The following COL28A1 variants were observed in gnomAD, a reference collection of about 807,000 sequenced individuals.
The protein encoded by COL28A1 is collagen type XXVIII alpha 1 chain, also known as collagen alpha-1(XXVIII) chain.
COL28A1 carries 161 observed loss-of-function variants against 150.2 expected under a neutral mutation model. That is an observed-to-expected ratio of 1.07 (90% CI 0.94 to 1.22). The LOEUF is 1.22. COL28A1 is among the 50% of genes most tolerant of loss of function. The pLI is 0.00. For synonymous variants in COL28A1, 552 were observed against 469.7 expected (o/e 1.18, Z -2.26); for missense variants, 1,617 against 1,388.3 (o/e 1.16, Z -2.62).
intron 9 of COL28A1, among the ~76,000 whole-genome samples, chr7:7,508,431 G>A (rs996797952): frequency 4.6e-5 from 7 of 152,128 alleles, no homozygotes; most frequent in Admixed American, 1.3e-4. Flanking sequence ...AGAGGATGAT[G>A]GAAGCAGAGA....
intron 17 of COL28A1, 87 bp downstream of exon 17, chr7:7,453,353 C>A (rs1411146764): frequency 6.2e-6 from 5 of 802,320 alleles, no homozygotes; most frequent in Non-Finnish European, 1.1e-5. Context: ...TTCATTCTAC[C>A]TGCTGTCTTC....
rs1443721878 is a variant in COL28A1, at chr7:7,459,948, A to G, written c.1303-3836T>C. 2.0e-5 allele frequency among the ~76,000 whole-genome samples: 3 copies of G among 152,302 alleles called. No individual in the cohort carries two copies. In the East Asian group the frequency reaches 5.8e-4, roughly 29 times the overall value. On this transcript the variant is annotated intron_variant, in intron 15 of 34. Transcript: ENST00000399429. ...CTCAAATTATCAAACATCCTCCAAT[A>G]CTGGCTAAAATGAGTGACTGCTACT...
chr7:7,380,900 G>A, intron 28 of COL28A1, 38 bp from the exon 29 acceptor site: 1 of 1,542,358 alleles, frequency 6.5e-7, no homozygotes, highest in Admixed American at 1.7e-5. Context: ...TTCAGAATGT[G>A]AATCTAAAAG....
At chr7:7,413,081 G>C (rs1397461216) in intron 27 of COL28A1, among the ~76,000 whole-genome samples, 1 of 152,084 alleles carries the variant, frequency 6.6e-6, no homozygotes, top group Non-Finnish European at 1.5e-5. Context: ...AGGTTGATCT[G>C]TTAGGCCTGT....
chr7:7,534,471 G>C (rs1053258187), intron 1 of COL28A1, among the ~76,000 whole-genome samples: 6 of 152,100 alleles, frequency 3.9e-5, no homozygotes, highest in Admixed American at 1.3e-4. Context: ...ATTTTCAAAG[G>C]GGAAAGGGAA....
intron 19 of COL28A1, among the ~76,000 whole-genome samples, chr7:7,443,972 C>T (rs1022486521): frequency 1.4e-5 from 2 of 146,886 alleles, no homozygotes; most frequent in Non-Finnish European, 3.0e-5. Flanking sequence ...AGACCTTCAG[C>T]CTTTCCATCT....
intron 27 of COL28A1, among the ~76,000 whole-genome samples, chr7:7,408,043 T>A (rs1037400706): frequency 1.3e-5 from 2 of 152,264 alleles, no homozygotes; most frequent in Admixed American, 1.3e-4. Context: ...TTTTTCCATT[T>A]TCTTCTTAAT....
intron 26 of COL28A1, among the ~76,000 whole-genome samples, chr7:7,418,128 A>G (rs1048030449): frequency 1.3e-5 from 2 of 152,226 alleles, no homozygotes; most frequent in Admixed American, 6.5e-5. Context: ...AAAACCTTAA[A>G]TATAATCCAA....
At chr7:7,433,641 A>C (rs1009508000) in intron 23 of COL28A1, among the ~76,000 whole-genome samples, 6 of 150,296 alleles carry the variant, frequency 4.0e-5, no homozygotes, top group African/African-American at 1.2e-4. Flanking sequence ...CTCATTTAAA[A>C]AAAAAAAAAA....
At chr7:7,528,667 G>T (rs887196994) in intron 3 of COL28A1, among the ~76,000 whole-genome samples, 1 of 152,156 alleles carries the variant, frequency 6.6e-6, no homozygotes, top group Non-Finnish European at 1.5e-5. Context: ...ATTTGAGTTT[G>T]TATAAAATTC....
chr7:7,405,957 A>G (rs1783467778), intron 27 of COL28A1, among the ~76,000 whole-genome samples: 1 of 152,200 alleles, frequency 6.6e-6, no homozygotes, highest in Non-Finnish European at 1.5e-5. Context: ...AAAGCATATA[A>G]AAGAACCAAC....
chr7:7,454,838 T>C (rs1350827556), intron 16 of COL28A1, among the ~76,000 whole-genome samples: 1 of 152,234 alleles, frequency 6.6e-6, no homozygotes, highest in Non-Finnish European at 1.5e-5. Flanking sequence ...CAAATGATGA[T>C]ATTTGAGTAG....
Position 7,476,987 on chromosome 7 carries a change from A to C in COL28A1, c.1233+125T>G, listed in dbSNP as rs139025323. 370 of 623,246 alleles carry C rather than the reference A, an allele frequency of 5.9e-4. 2 individuals are homozygous for C. The highest frequency in any genetic ancestry group is 5.9e-3 in the African/African-American group (327 of 55,258). 38.6% of individuals were successfully genotyped at this position (623,246 alleles called of 1,614,324 possible). The stretch of plus-strand genomic sequence containing the variant: ...GGGAAATTTACATATTCCTTCATTA[A>C]ATGGAATAAAGATGGTCAGAAAAAT... On this transcript the variant is annotated intron_variant, in intron 14 of 34. Coordinates refer to ENST00000399429, the MANE Select transcript of COL28A1 (RefSeq NM_001037763.3).
rs1781872351 is a variant in COL28A1, at chr7:7,381,552, CTGGGAGGCCA to C, written c.2187_2196del (p.His729GlnfsTer40). Reference sequence around the variant, plus strand: ...GATCCTGAGACACTTACCTTCTGGCCTGGGAGGCCATGGCCCATTGTGCCCTTTGGGCCTG... The same window carrying C: ...GATCCTGAGACACTTACCTTCTGGCCTGGCCCATTGTGCCCTTTGGGCCTG... On this transcript the variant is annotated frameshift_variant, in exon 28 of 35. Coordinates refer to ENST00000399429, the MANE Select transcript of COL28A1 (RefSeq NM_001037763.3). LOFTEE classifies it high-confidence loss of function. 6.2e-7 allele frequency: 1 copy of C among 1,613,372 alleles called. No individual in the cohort carries two copies.
At chr7:7,525,214 C>A (rs972079015) in intron 3 of COL28A1, among the ~76,000 whole-genome samples, 1 of 152,218 alleles carries the variant, frequency 6.6e-6, no homozygotes, top group East Asian at 1.9e-4. Context: ...AGGTAACACA[C>A]TTGGGCTGCA....
At chr7:7,543,771 T>G in the COL28A1 span, among the ~76,000 whole-genome samples, 1 of 151,312 alleles carries the variant, frequency 6.6e-6, no homozygotes, top group Non-Finnish European at 1.5e-5. Context: ...ACTTGTAAGT[T>G]AAATATATAA....
intron 13 of COL28A1, among the ~76,000 whole-genome samples, chr7:7,477,449 G>T (rs878908967): frequency 1.3e-5 from 2 of 152,188 alleles, no homozygotes; most frequent in Admixed American, 1.3e-4. Flanking sequence ...TACCAGATGT[G>T]CATAGGTTAT....
At chr7:7,339,008 ACT>A in the COL28A1 span, among the ~76,000 whole-genome samples, 1 of 151,914 alleles carries the variant, frequency 6.6e-6, no homozygotes, top group Non-Finnish European at 1.5e-5. Context: ...AACTTCCAAA[ACT>A]CTGAGTAGGC....
At position 7,456,108 on chromosome 7, in the gene COL28A1, T is replaced by G; in HGVS notation, c.1307A>C (p.Asp436Ala). The change falls in exon 16 of 35, where the codon GAT (aspartate) becomes GCT (alanine). Residue 436 changes from aspartate to alanine, a missense_variant. Asp to Ala is a moderately radical substitution (Grantham distance 126). Transcript: ENST00000399429. ...TCCTTGGGGTCCCACAGGTCCTATA[T>G]CCCCCTGCACAGAAAATAAGCCAGG... Reference protein sequence around the residue: ...QGLSIKGEKGDIGPVGPQGPM... With the variant: ...QGLSIKGEKGAIGPVGPQGPM... 6.2e-7 allele frequency: 1 copy of G among 1,613,140 alleles called. No individual in the cohort carries two copies. The highest frequency in any genetic ancestry group is 8.5e-7 in the Non-Finnish European group (1 of 1,179,548).
Sources: allele counts gnomAD v4.1 joint callset (sites outside exome capture counted in the v4.1 genomes callset), GRCh38; gene constraint gnomAD v4.1.1; transcripts MANE v1.5; gene names NCBI Gene and HGNC (gene_info 2026-07-23, HGNC 2026-07-21).